SMAD6: variants seen among roughly 807,000 people sequenced by gnomAD.
The protein encoded by SMAD6 is SMAD family member 6, also known as MAD homolog 6.
SMAD6 carries 103 observed loss-of-function variants against 39.4 expected under a neutral mutation model. The ratio of observed to expected loss-of-function variants is 2.62; its 90% CI spans 2.23 to 3.08. SMAD6 has a LOEUF of 3.08. Ranked by LOEUF, SMAD6 falls within the 30% of genes most tolerant of loss-of-function variation. The probability of loss-of-function intolerance (pLI) is 0.00; values close to 1 mark genes in which losing one functional copy is unlikely to be tolerated. For synonymous variants in SMAD6, 445 were observed against 353.3 expected (o/e 1.26, Z -2.91); for missense variants, 1,104 against 742.9 (o/e 1.49, Z -5.65).
chr15:66,716,445 A>G lies in SMAD6; in HGVS notation c.899A>G (p.Tyr300Cys), dbSNP rs552363897. ...PLDLSDSTLS[Y>C]TETEATNSLI... The stretch of plus-strand genomic sequence containing the variant: ...GATCTGTCCGATTCCACATTGTCTT[A>G]CACTGAAACGGAGGCTACCAACTCC... Residue 300 changes from tyrosine to cysteine, a missense_variant, in exon 3 of 4, where the codon TAC (tyrosine) becomes TGC (cysteine). Transcript: ENST00000288840. 2 of 1,613,918 alleles carry G rather than the reference A, an allele frequency of 1.2e-6. No homozygotes were observed. Among genetic ancestry groups the G allele is most frequent in the African/African-American group, 2.7e-5 (2 of 75,058 alleles).
rs867983922 is a variant in SMAD6 at position 66,702,896 on chromosome 15, A to G, written c.-363A>G. The G allele has an allele frequency of 5.0e-6, 1 of 198,688 alleles. No individual in the cohort carries two copies. The highest frequency in any genetic ancestry group is 1.0e-5 in the Non-Finnish European group (1 of 98,918). The allele number at this position is 198,688 out of a possible 1,614,324, so 12.3% of individuals were successfully genotyped here. On this transcript the variant is annotated 5_prime_UTR_variant, in exon 1 of 4. Coordinates refer to ENST00000288840, the MANE Select transcript of SMAD6 (RefSeq NM_005585.5). ...CGCTTTGTGCTCATGGACCAGCCGC[A>G]CAACTTTTGAAGGCTCGCCGGCCCA... is the stretch of plus-strand genomic sequence containing the variant.
intron 3 of SMAD6, among the ~76,000 whole-genome samples, chr15:66,769,159 TAGGTAATCACCTAG>T (rs1197783545): frequency 2.0e-5 from 3 of 152,254 alleles, no homozygotes; most frequent in African/African-American, 7.2e-5. Context: ...ACCTGTGAGT[TAGGTAATCACCTAG>T]AGGAAACCAG....
chr15:66,729,347 G>T (rs1893581884), intron 3 of SMAD6, among the ~76,000 whole-genome samples: 1 of 152,220 alleles, frequency 6.6e-6, no homozygotes, highest in Admixed American at 6.5e-5. Context: ...AGAAAAGAGT[G>T]AAAGGAAACT....
rs1595756192 is a variant in SMAD6 at position 66,703,244 on chromosome 15, G to C, written c.-15G>C. On this transcript the variant is annotated 5_prime_UTR_variant, in exon 1 of 4. Coordinates refer to ENST00000288840, the MANE Select transcript of SMAD6 (RefSeq NM_005585.5). ...AGACCGCCTCCCCCCCACCCCTGGC[G>C]CCAAAGGATATCGTATGTTCAGGTC... The C allele has an allele frequency of 1.4e-6, 2 of 1,397,390 alleles. No homozygotes were observed. The highest frequency in any genetic ancestry group is 1.9e-6 in the Non-Finnish European group (2 of 1,070,216). The allele number at this position is 1,397,390 out of a possible 1,614,324, so 86.6% of individuals were successfully genotyped here.
At chr15:66,738,883 G>A (rs1395721671) in intron 3 of SMAD6, among the ~76,000 whole-genome samples, 1 of 152,138 alleles carries the variant, frequency 6.6e-6, no homozygotes, top group African/African-American at 2.4e-5. Flanking sequence ...AGTCACTGCA[G>A]TGCATTCACA....
At chr15:66,746,164 G>A (rs1245251204) in intron 3 of SMAD6, among the ~76,000 whole-genome samples, 2 of 152,238 alleles carry the variant, frequency 1.3e-5, no homozygotes, top group Non-Finnish European at 2.9e-5. Flanking sequence ...TCCGATACAG[G>A]TGAGGGAAGG....
intron 3 of SMAD6, among the ~76,000 whole-genome samples, chr15:66,767,469 A>G (rs1027618586): frequency 2.0e-4 from 31 of 152,106 alleles, no homozygotes; most frequent in Admixed American, 6.5e-5. Context: ...ACCCCTGATC[A>G]TTGTAACAAG....
chr15:66,723,398 C>T (rs1232800590), intron 3 of SMAD6, among the ~76,000 whole-genome samples: 1 of 152,190 alleles, frequency 6.6e-6, no homozygotes, highest in Non-Finnish European at 1.5e-5. Context: ...TTATTCAGAA[C>T]TTACTGCAGC....
chr15:66,702,981 T>G lies in SMAD6; in HGVS notation c.-278T>G. On this transcript the variant is annotated 5_prime_UTR_variant, in exon 1 of 4. Coordinates refer to ENST00000288840, the MANE Select transcript of SMAD6 (RefSeq NM_005585.5). Reference sequence around the variant, plus strand: ...CCCCCTAAAGCGCGGGGGCTGGAGTTGTTGAGCAGCCCCGCCGCTGTGGTC... The same window carrying G: ...CCCCCTAAAGCGCGGGGGCTGGAGTGGTTGAGCAGCCCCGCCGCTGTGGTC... 1.7e-5 allele frequency: 5 copies of G among 296,816 alleles called. No individual in the cohort carries two copies. The highest frequency in any genetic ancestry group is 1.1e-4 in the East Asian group (2 of 18,268). 18.4% of individuals were successfully genotyped at this position (296,816 alleles called of 1,614,324 possible). A position where few individuals can be genotyped will look rare whatever the true frequency, so the allele number is the denominator to read the frequency against.
intron 3 of SMAD6, among the ~76,000 whole-genome samples, chr15:66,746,395 C>A (rs1161008044): frequency 6.6e-6 from 1 of 152,076 alleles, no homozygotes; most frequent in Non-Finnish European, 1.5e-5. Flanking sequence ...AGTTAAAGGT[C>A]TCCCTCCCTG....
Position 66,719,934 on chromosome 15 carries a change from A to G in SMAD6, c.952+3436A>G, listed in dbSNP as rs537651078. Among the ~76,000 whole-genome samples, 4 of 152,336 alleles carry G rather than the reference A, an allele frequency of 2.6e-5. No individual in the cohort carries two copies. In the East Asian group the frequency reaches 5.8e-4, roughly 22 times the overall value. On this transcript the variant is annotated intron_variant, in intron 3 of 3. Coordinates refer to ENST00000288840, the MANE Select transcript of SMAD6 (RefSeq NM_005585.5). ...GGGAGGGGGGTGGTGGAGGGAGGCTAGAATGCAGAGCTTTAAGCAGATCTG... is the reference window on the plus strand; with the variant it reads ...GGGAGGGGGGTGGTGGAGGGAGGCTGGAATGCAGAGCTTTAAGCAGATCTG...
rs1011831165 is a variant in SMAD6, at chr15:66,741,830, C to T, written c.952+25332C>T. On this transcript the variant is annotated intron_variant, in intron 3 of 3. Coordinates refer to ENST00000288840, the MANE Select transcript of SMAD6 (RefSeq NM_005585.5). ...AGATTCCAATTGCTGCCGGTCCCTC[C>T]GGGCAGCCCTACAGGTGCATGTCCT... 5.3e-5 allele frequency among the ~76,000 whole-genome samples: 8 copies of T among 151,942 alleles called. No homozygotes were observed. In the South Asian group the frequency reaches 1.5e-3, roughly 28 times the overall value.
Position 66,781,217 on chromosome 15 carries a change from CCTG to C in SMAD6, c.1176_1178del (p.Leu393del). On this transcript the variant is annotated inframe_deletion, in exon 4 of 4. Coordinates refer to ENST00000288840, the MANE Select transcript of SMAD6 (RefSeq NM_005585.5). ...CGCGCAGCAAGATCGGCTTCGGCAT[CCTG>C]CTCAGCAAGGAGCCCGACGGCGTGT... 6.2e-7 allele frequency: 1 copy of C among 1,608,756 alleles called. No individual in the cohort carries two copies. The highest frequency in any genetic ancestry group is 1.1e-5 in the South Asian group (1 of 91,066).
In SMAD6 at chr15:66,781,089, G is replaced by T; in HGVS notation, c.1045G>T (p.Val349Leu). ...GACGCGCGTGGGCCGCCTCTATGCG[G>T]TGTACGACCAGGCCGTCAGCATCTT... ...HRTRVGRLYA[V>L]YDQAVSIFYD... The change falls in exon 4 of 4, where the codon GTG becomes TTG. Residue 349 changes from valine to leucine, a missense_variant. Physicochemically the swap from Val to Leu is conservative, Grantham distance 32. Coordinates refer to ENST00000288840, the MANE Select transcript of SMAD6 (RefSeq NM_005585.5). The T allele has an allele frequency of 6.2e-7, 1 of 1,608,068 alleles. No individual in the cohort carries two copies. Among genetic ancestry groups the T allele is most frequent in the Non-Finnish European group, 8.5e-7 (1 of 1,179,406 alleles).
chr15:66,717,186 G>A (rs1190747235), intron 3 of SMAD6: 1 of 1,253,398 alleles, frequency 8.0e-7, no homozygotes, highest in East Asian at 5.6e-5. Flanking sequence ...CAAGGTCTGT[G>A]GGGCCCTTTG....
In SMAD6 at chr15:66,718,527, A is replaced by G. The variant is rs112147560; in HGVS notation, c.952+2029A>G. ...TTGGGGAGGAAATTGGGGATTTCCT[A>G]TGCCAAGGACATTGAGTGAGGTCTT... On this transcript the variant is annotated intron_variant, in intron 3 of 3. Coordinates refer to ENST00000288840, the MANE Select transcript of SMAD6 (RefSeq NM_005585.5). Among the ~76,000 whole-genome samples the G allele has an allele frequency of 4.7e-4, 72 of 152,334 alleles. 1 individual carries two copies. Among genetic ancestry groups the G allele is most frequent in the African/African-American group, 1.7e-3 (70 of 41,570 alleles).
At chr15:66,736,659 C>G (rs189696281) in intron 3 of SMAD6, among the ~76,000 whole-genome samples, 1 of 152,072 alleles carries the variant, frequency 6.6e-6, no homozygotes, top group Non-Finnish European at 1.5e-5. Flanking sequence ...TCCCCTTCCC[C>G]CTCAGTTCCT....
At chr15:66,734,657 AAG>A (rs927430527) in intron 3 of SMAD6, among the ~76,000 whole-genome samples, 3 of 152,214 alleles carry the variant, frequency 2.0e-5, no homozygotes, top group African/African-American at 7.2e-5. Flanking sequence ...TAGCAAGTGA[AAG>A]AGCTGCGATG....
chr15:66,733,061 G>T (rs1893657472), intron 3 of SMAD6, among the ~76,000 whole-genome samples: 1 of 151,722 alleles, frequency 6.6e-6, no homozygotes. Flanking sequence ...ATCATTTGTT[G>T]AAACGACTAC....
Sources: gnomAD v4.1 joint callset for allele counts (sites outside exome capture counted in the v4.1 genomes callset) on GRCh38, gnomAD v4.1.1 for gene constraint, MANE v1.5 for transcripts, NCBI Gene and HGNC (gene_info 2026-07-23, HGNC 2026-07-21) for gene names.